Variants in ATG7 observed in about 807,000 individuals in gnomAD.
ATG7 encodes autophagy related 7, also known as ubiquitin-like modifier-activating enzyme ATG7.
ATG7 carries 70 observed loss-of-function variants against 82.4 expected under a neutral mutation model. The observed-to-expected ratio is 0.85, with a 90% CI of 0.70 to 1.04. ATG7 has a LOEUF of 1.04. Among genes scored for constraint, ATG7 ranks in the 50% least tolerant of loss-of-function variants. The pLI is 0.00. For synonymous variants in ATG7, 287 were observed against 313.0 expected (o/e 0.92, Z 0.88); for missense variants, 792 against 864.3 (o/e 0.92, Z 1.05).
rs369923041 is a variant in ATG7, at chr3:11,480,802, G to C, written c.2079+53876G>C. On this transcript the variant is annotated intron_variant, in intron 20 of 20. Transcript: ENST00000693202. ...GAAGGCTTTCCTGGGAGAGCGAGGAGGGCCTATCCACTGGGTGACAGCTCG... is the reference window on the plus strand; with the variant it reads ...GAAGGCTTTCCTGGGAGAGCGAGGACGGCCTATCCACTGGGTGACAGCTCG... Among the ~76,000 whole-genome samples, 5 of 152,314 alleles carry C rather than the reference G, an allele frequency of 3.3e-5. No homozygotes were observed. The East Asian group carries it at 9.6e-4, about 29-fold the overall frequency.
intron 11 of ATG7, among the ~76,000 whole-genome samples, chr3:11,335,130 A>G (rs1952238568): frequency 1.3e-5 from 2 of 151,948 alleles, no homozygotes; most frequent in Non-Finnish European, 2.9e-5. Flanking sequence ...TCAAAGGACG[A>G]TGCTGCTTTT....
Position 11,299,342 on chromosome 3 carries a change from G to A in ATG7, c.161-20G>A, listed in dbSNP as rs373547510. On this transcript the variant is annotated intron_variant, in intron 4 of 20. Coordinates refer to ENST00000693202, the MANE Select transcript of ATG7 (RefSeq NM_001349232.2). ...CTATTTCTGACTTGTCATTGAAAATGTGATAATGCTTCTGTCCAGGTGACT... is the reference window on the plus strand; with the variant it reads ...CTATTTCTGACTTGTCATTGAAAATATGATAATGCTTCTGTCCAGGTGACT... 3 of 1,601,714 alleles carry A rather than the reference G, an allele frequency of 1.9e-6. No homozygotes were observed. The highest frequency in any genetic ancestry group is 2.6e-6 in the Non-Finnish European group (3 of 1,169,064).
intron 20 of ATG7, among the ~76,000 whole-genome samples, chr3:11,441,242 T>A (rs2083922167): frequency 6.6e-6 from 1 of 152,096 alleles, no homozygotes; most frequent in South Asian, 2.1e-4. Context: ...ATTTTTAAAT[T>A]TTTTATTTAT....
At chr3:11,481,052 G>T (rs1379735029) in intron 20 of ATG7, among the ~76,000 whole-genome samples, 1 of 152,216 alleles carries the variant, frequency 6.6e-6, no homozygotes, top group African/African-American at 2.4e-5. Context: ...TCCCTTTAAT[G>T]TCTTATTTAT....
intron 20 of ATG7, among the ~76,000 whole-genome samples, chr3:11,484,978 G>A (rs146310376): frequency 0.11 from 16,597 of 151,884 alleles, 1,840 homozygotes; most frequent in African/African-American, 0.29. Context: ...AGTCTTTGCT[G>A]TTGTGAATAG....
rs529901862 is a variant in ATG7 at position 11,523,457 on chromosome 3, G to A, written c.2080-31354G>A. 3.3e-5 allele frequency among the ~76,000 whole-genome samples: 5 copies of A among 152,334 alleles called. No homozygotes were observed. In the East Asian group the frequency reaches 9.6e-4, roughly 29 times the overall value. On this transcript the variant is annotated intron_variant, in intron 20 of 20. Coordinates refer to ENST00000693202, the MANE Select transcript of ATG7 (RefSeq NM_001349232.2). ...TTAACTTTTACCACATGTATGACTT[G>A]TTCCCGGACAACCCATTCTTCCTTT... is the stretch of plus-strand genomic sequence containing the variant.
rs1189244810 is a variant in ATG7, at chr3:11,557,560, C to A, written c.*2717C>A. On this transcript the variant is annotated 3_prime_UTR_variant, in exon 21 of 21. Transcript: ENST00000693202. ...TGCCAGGAGCTGGCCTCCCGCACTA[C>A]TTGTGAGTAAAGTGAATATCAAATA... The A allele has an allele frequency of 2.6e-5, 4 of 152,554 alleles. No homozygotes were observed. Among genetic ancestry groups the A allele is most frequent in the Admixed American group, 1.3e-4 (2 of 15,280 alleles). 9.5% of individuals were successfully genotyped at this position (152,554 alleles called of 1,614,324 possible). A position where few individuals can be genotyped will look rare whatever the true frequency, so the allele number is the denominator to read the frequency against.
chr3:11,502,398 C>A (rs60657917), intron 20 of ATG7, among the ~76,000 whole-genome samples: 18,537 of 121,456 alleles, frequency 0.15, 1,872 homozygotes, highest in Admixed American at 0.3. Context: ...CAACAGTCCC[C>A]AGAGTGTGAT....
At chr3:11,415,472 A>G (rs540387044) in intron 19 of ATG7, among the ~76,000 whole-genome samples, 6 of 152,218 alleles carry the variant, frequency 3.9e-5, no homozygotes, top group Non-Finnish European at 7.3e-5. Flanking sequence ...TTGTAACAAC[A>G]CCTAGCTTAA....
intron 19 of ATG7, among the ~76,000 whole-genome samples, chr3:11,400,012 A>G (rs893630106): frequency 6.6e-6 from 1 of 152,246 alleles, no homozygotes; most frequent in African/African-American, 2.4e-5. Context: ...TTACTTCACA[A>G]TGAAAAATGT....
intron 5 of ATG7, among the ~76,000 whole-genome samples, chr3:11,300,857 ATGT>A (rs1946676002): frequency 6.6e-6 from 1 of 152,194 alleles, no homozygotes; most frequent in South Asian, 2.1e-4. Context: ...CTCTAGGCTA[ATGT>A]AAGTGTTCTG....
chr3:11,438,024 T>G (rs2152961584), intron 20 of ATG7, among the ~76,000 whole-genome samples: 1 of 152,374 alleles, frequency 6.6e-6, no homozygotes. Context: ...CCAATAATAC[T>G]TAAGCACTGG....
Position 11,313,435 on chromosome 3 carries a change from C to A in ATG7, c.528+15C>A, listed in dbSNP as rs767224966. 2.6e-6 allele frequency: 4 copies of A among 1,554,800 alleles called. No individual in the cohort carries two copies. In the East Asian group the frequency reaches 9.1e-5, roughly 35 times the overall value. On this transcript the variant is annotated intron_variant, in intron 8 of 20. Coordinates refer to ENST00000693202, the MANE Select transcript of ATG7 (RefSeq NM_001349232.2). Reference sequence around the variant, plus strand: ...CACTAAAACAGGTATCAACAAATAACCAAAATGCACATAAAATTGGGTTGA... The same window carrying A: ...CACTAAAACAGGTATCAACAAATAAACAAAATGCACATAAAATTGGGTTGA...
chr3:11,449,963 A>G (rs1374125748), intron 20 of ATG7, among the ~76,000 whole-genome samples: 1 of 152,208 alleles, frequency 6.6e-6, no homozygotes, highest in East Asian at 1.9e-4. Context: ...TTTGGCCCTC[A>G]ATAAACTAGT....
At chr3:11,311,557 G>A (rs1173515728) in intron 7 of ATG7, among the ~76,000 whole-genome samples, 2 of 150,148 alleles carry the variant, frequency 1.3e-5, no homozygotes, top group Non-Finnish European at 1.5e-5. Flanking sequence ...AGCTGAGATC[G>A]TCGTGCCGTT....
intron 20 of ATG7, among the ~76,000 whole-genome samples, chr3:11,485,164 T>G (rs1460775691): frequency 6.6e-6 from 1 of 152,232 alleles, no homozygotes; most frequent in African/African-American, 2.4e-5. Flanking sequence ...CCACCACCAG[T>G]GTAAAAGTGT....
At chr3:11,477,394 A>T (rs2088379691) in intron 20 of ATG7, 1 of 838,148 alleles carries the variant, frequency 1.2e-6, no homozygotes, top group African/African-American at 1.8e-5. Context: ...CTAAATGGAT[A>T]GAAGTGTATT....
downstream of ATG7, chr3:11,557,757 C>T (rs1286440532): frequency 1.3e-5 from 2 of 152,710 alleles, no homozygotes; most frequent in African/African-American, 4.8e-5. Flanking sequence ...ACGTTTAAAG[C>T]ACTATGGAAT....
intron 18 of ATG7, among the ~76,000 whole-genome samples, chr3:11,374,185 C>T (rs975050418): frequency 6.6e-6 from 1 of 152,174 alleles, no homozygotes; most frequent in African/African-American, 2.4e-5. Flanking sequence ...AGTTGGAGGA[C>T]TCATACTTTC....
Sources: gnomAD v4.1 joint callset for allele counts (sites outside exome capture counted in the v4.1 genomes callset) on GRCh38, gnomAD v4.1.1 for gene constraint, MANE v1.5 for transcripts, NCBI Gene and HGNC (gene_info 2026-07-23, HGNC 2026-07-21) for gene names.